The following CCR3 variants were observed in gnomAD, a reference collection of about 807,000 sequenced individuals.
CCR3 encodes the protein C-C motif chemokine receptor 3, also known as C-C chemokine receptor type 3.
For synonymous variants in CCR3, 203 were observed against 179.2 expected (o/e 1.13, Z -1.06); for missense variants, 419 against 437.5 (o/e 0.96, Z 0.38).
intron 1 of CCR3, among the ~76,000 whole-genome samples, chr3:46,243,513 T>G (rs1466045032): frequency 6.6e-6 from 1 of 152,000 alleles, no homozygotes; most frequent in Non-Finnish European, 1.5e-5. Context: ...GTGAATGAGA[T>G]TGTCTGTGTT....
intron 1 of CCR3, among the ~76,000 whole-genome samples, chr3:46,243,358 G>A (rs1388313492): frequency 1.3e-5 from 2 of 152,102 alleles, no homozygotes; most frequent in East Asian, 1.9e-4. Flanking sequence ...CATGGATACA[G>A]AGGGCTGATT....
chr3:46,230,725 C>T (rs1489314310), intron 2 of CCR3, among the ~76,000 whole-genome samples: 1 of 152,114 alleles, frequency 6.6e-6, no homozygotes, highest in Non-Finnish European at 1.5e-5. Context: ...CTCCTCGCCC[C>T]GTCCTCCGGA....
intron 1 of CCR3, among the ~76,000 whole-genome samples, chr3:46,245,856 A>G (rs1008337714): frequency 4.6e-5 from 7 of 152,192 alleles, no homozygotes; most frequent in African/African-American, 1.7e-4. Context: ...TTCTAGCTCC[A>G]TCCATGTTCC....
upstream of CCR3, among the ~76,000 whole-genome samples, chr3:46,240,816 G>A (rs1377854163): frequency 6.6e-6 from 1 of 152,144 alleles, no homozygotes; most frequent in Non-Finnish European, 1.5e-5. Flanking sequence ...GCACACAGAG[G>A]TTATGTAGCT....
At chr3:46,243,623 G>A (rs1265275215) in intron 1 of CCR3, among the ~76,000 whole-genome samples, 1 of 152,110 alleles carries the variant, frequency 6.6e-6, no homozygotes, top group Non-Finnish European at 1.5e-5. Context: ...GAGAGTGGTG[G>A]GAATAAGGGG....
chr3:46,260,977 C>A (rs1700516129), intron 1 of CCR3, among the ~76,000 whole-genome samples: 1 of 152,190 alleles, frequency 6.6e-6, no homozygotes, highest in South Asian at 2.1e-4. Context: ...AGTTTAACCA[C>A]ATAAGATTCT....
chr3:46,248,041 T>C (rs1322265815), intron 1 of CCR3, among the ~76,000 whole-genome samples: 1 of 152,070 alleles, frequency 6.6e-6, no homozygotes, highest in Admixed American at 6.5e-5. Flanking sequence ...TGATTAGGCC[T>C]GGTGGAACTG....
upstream of CCR3, among the ~76,000 whole-genome samples, chr3:46,239,120 G>A (rs974193605): frequency 6.6e-6 from 1 of 152,164 alleles, no homozygotes; most frequent in African/African-American, 2.4e-5. Flanking sequence ...AAACTAATGA[G>A]GGAAATCGTA....
intron 2 of CCR3, among the ~76,000 whole-genome samples, chr3:46,217,479 CA>C (rs1699788218): frequency 2.6e-5 from 4 of 152,280 alleles, no homozygotes; most frequent in African/African-American, 9.6e-5. Context: ...CAGATATTTA[CA>C]GAACATTCTA....
At chr3:46,261,525 A>G (rs1010083276) in intron 1 of CCR3, among the ~76,000 whole-genome samples, 2 of 152,222 alleles carry the variant, frequency 1.3e-5, no homozygotes, top group Non-Finnish European at 2.9e-5. Flanking sequence ...CTCTGACCCC[A>G]GGGAATGTGA....
chr3:46,231,615 A>C (rs546814358), intron 2 of CCR3, among the ~76,000 whole-genome samples: 73 of 152,322 alleles, frequency 4.8e-4, no homozygotes, highest in African/African-American at 1.7e-3. Flanking sequence ...CCAAGAGGGT[A>C]GATCTTACGT....
chr3:46,249,238 G>A (rs1163579260), intron 1 of CCR3, among the ~76,000 whole-genome samples: 1 of 152,122 alleles, frequency 6.6e-6, no homozygotes, highest in African/African-American at 2.4e-5. Context: ...TATAGTCCAG[G>A]AATAGTCAGG....
Position 46,252,169 on chromosome 3 carries a change from C to CTTT in CCR3, c.-12+9653_-12+9655dup, listed in dbSNP as rs58623050. Among the ~76,000 whole-genome samples, 362 of 86,852 alleles carry CTTT rather than the reference C, an allele frequency of 4.2e-3. 11 individuals carry two copies. Among genetic ancestry groups the CTTT allele is most frequent in the South Asian group, 8.2e-3 (18 of 2,184 alleles). The allele number at this position is 86,852 out of a possible 152,430, so 57.0% of individuals were successfully genotyped here. A position where few individuals can be genotyped will look rare whatever the true frequency, so the allele number is the denominator to read the frequency against. On this transcript the variant is annotated intron_variant, in intron 1 of 1. Coordinates refer to ENST00000395940, the MANE Select transcript of CCR3 (RefSeq NM_178329.3). ...CAATAGCCATGAGGCTAGTTTCTGT[C>CTTT]TTTTTTTTTTTTTTTTTTTTTTTTG...
At chr3:46,242,980 C>CATATATATATATATAGATATAT (rs758465669) in intron 1 of CCR3, among the ~76,000 whole-genome samples, 1 of 98,914 alleles carries the variant, frequency 1.0e-5, no homozygotes, top group African/African-American at 4.4e-5. Flanking sequence ...TATATATATA[C>CATATATATATATATAGATATAT]ACATATATAT....
chr3:46,248,462 C>T (rs960197418), intron 1 of CCR3, among the ~76,000 whole-genome samples: 2 of 152,114 alleles, frequency 1.3e-5, no homozygotes, highest in Non-Finnish European at 2.9e-5. Flanking sequence ...CTACAGGGTG[C>T]AGTCCTGGCT....
At chr3:46,227,479 G>A (rs7631658) in intron 2 of CCR3, among the ~76,000 whole-genome samples, 15,140 of 151,758 alleles carry the variant, frequency 0.1, 2,352 homozygotes, top group African/African-American at 0.33. Flanking sequence ...CCCTTGTGAT[G>A]GAAGTTTCTT....
intron 1 of CCR3, among the ~76,000 whole-genome samples, chr3:46,249,453 T>C (rs1490503277): frequency 2.0e-5 from 3 of 151,698 alleles, no homozygotes; most frequent in Non-Finnish European, 4.4e-5. Flanking sequence ...TAATGTGGAG[T>C]GGGTAGCCTC....
chr3:46,252,859 G>T (rs1310708841), intron 1 of CCR3, among the ~76,000 whole-genome samples: 1 of 151,942 alleles, frequency 6.6e-6, no homozygotes, highest in Non-Finnish European at 1.5e-5. Context: ...CTACCCCTAA[G>T]TTTCCCCTTT....
intron 1 of CCR3, among the ~76,000 whole-genome samples, chr3:46,256,951 G>GCA (rs34816775): frequency 0.41 from 61,953 of 150,270 alleles, 13,342 homozygotes; most frequent in East Asian, 0.64. Context: ...TCACATTTGT[G>GCA]CACACACACA....
Sources: gnomAD v4.1 joint callset for allele counts (sites outside exome capture counted in the v4.1 genomes callset) on GRCh38, gnomAD v4.1.1 for gene constraint, MANE v1.5 for transcripts, NCBI Gene and HGNC (gene_info 2026-07-23, HGNC 2026-07-21) for gene names.